The following C2orf49 variants were observed in gnomAD, a reference collection of about 807,000 sequenced individuals.
The protein encoded by C2orf49 is tRNA-splicing ligase complex subunit ASW.
C2orf49 carries 11 observed loss-of-function variants against 20.6 expected under a neutral mutation model. That is an observed-to-expected ratio of 0.53 (90% CI 0.34 to 0.88). The LOEUF is 0.88. Among genes scored for constraint, C2orf49 ranks in the 40% least tolerant of loss-of-function variants. The pLI is 0.02. For synonymous variants in C2orf49, 134 were observed against 108.5 expected (o/e 1.24, Z -1.46); for missense variants, 289 against 274.2 (o/e 1.05, Z -0.38).
the C2orf49 span, among the ~76,000 whole-genome samples, chr2:105,377,260 A>G: frequency 6.6e-6 from 1 of 152,224 alleles, no homozygotes; most frequent in Non-Finnish European, 1.5e-5. Flanking sequence ...TGCACTTACT[A>G]CTGAACAGTA....
intron 2 of C2orf49, among the ~76,000 whole-genome samples, chr2:105,340,908 A>G (rs1679648681): frequency 6.6e-6 from 1 of 152,210 alleles, no homozygotes; most frequent in Non-Finnish European, 1.5e-5. Flanking sequence ...GGTAAAGGGG[A>G]GTATGTTCCT....
chr2:105,363,565 C>G, the C2orf49 span: 33 of 1,163,226 alleles, frequency 2.8e-5, no homozygotes, highest in Non-Finnish European at 3.9e-5. Context: ...AGATCCTCAT[C>G]CAGAAACGTC....
intron 2 of C2orf49, 125 bp downstream of exon 2, chr2:105,339,874 C>A (rs1039828534): frequency 4.9e-6 from 4 of 808,256 alleles, no homozygotes; most frequent in Admixed American, 7.0e-5. Flanking sequence ...CTATTGAGCA[C>A]CAGGCACTGT....
the C2orf49 span, among the ~76,000 whole-genome samples, chr2:105,376,912 G>T: frequency 1.3e-5 from 2 of 152,070 alleles, no homozygotes; most frequent in Admixed American, 6.5e-5. Context: ...CGACAAATCG[G>T]TCACAAAAGG....
the C2orf49 span, among the ~76,000 whole-genome samples, chr2:105,384,282 A>G: frequency 1.3e-5 from 2 of 152,144 alleles, no homozygotes; most frequent in Non-Finnish European, 2.9e-5. Context: ...CAAACTGGAC[A>G]TTTTTATTGA....
At chr2:105,366,059 A>AT in the C2orf49 span, among the ~76,000 whole-genome samples, 1 of 151,288 alleles carries the variant, frequency 6.6e-6, no homozygotes, top group Non-Finnish European at 1.5e-5. Flanking sequence ...TACAAAAAAA[A>AT]CCGGCTGGGC....
At chr2:105,378,753 GAA>G in the C2orf49 span, 1 of 152,480 alleles carries the variant, frequency 6.6e-6, no homozygotes. Flanking sequence ...CCTTCTAAAG[GAA>G]ACTCTTTTCC....
chr2:105,355,981 A>G, the C2orf49 span, among the ~76,000 whole-genome samples: 1 of 152,280 alleles, frequency 6.6e-6, no homozygotes, highest in East Asian at 1.9e-4. Flanking sequence ...GTGATGACTC[A>G]TGCTGGTAAT....
At chr2:105,338,911 G>T (rs1455414374) in intron 1 of C2orf49, among the ~76,000 whole-genome samples, 1 of 152,148 alleles carries the variant, frequency 6.6e-6, no homozygotes, top group East Asian at 1.9e-4. Flanking sequence ...TGTTTTTCAT[G>T]ATGTCAAGAA....
At chr2:105,359,286 T>G in the C2orf49 span, 1 of 152,176 alleles carries the variant, frequency 6.6e-6, no homozygotes, top group African/African-American at 2.4e-5. Flanking sequence ...AAAATGAAAT[T>G]TGGAGTGCTT....
chr2:105,366,268 CT>C, the C2orf49 span, among the ~76,000 whole-genome samples: 1 of 151,954 alleles, frequency 6.6e-6, no homozygotes, highest in Non-Finnish European at 1.5e-5. Flanking sequence ...GGTAAGAATA[CT>C]CAGCACTTAG....
At chr2:105,355,547 AC>A in the C2orf49 span, among the ~76,000 whole-genome samples, 21,007 of 152,042 alleles carry the variant, frequency 0.14, 1,815 homozygotes, top group South Asian at 0.24. Context: ...GTAGAGACTG[AC>A]CCCCAAAGGT....
chr2:105,378,216 C>T, the C2orf49 span: 2 of 470,550 alleles, frequency 4.3e-6, no homozygotes, highest in African/African-American at 4.0e-5. Flanking sequence ...CACAAAAATG[C>T]AATAGCTACA....
At chr2:105,381,854 G>T in the C2orf49 span, among the ~76,000 whole-genome samples, 1 of 152,140 alleles carries the variant, frequency 6.6e-6, no homozygotes, top group African/African-American at 2.4e-5. Context: ...TGGACCCTGA[G>T]AATGTGACTG....
At chr2:105,379,837 C>T in the C2orf49 span, among the ~76,000 whole-genome samples, 1 of 152,240 alleles carries the variant, frequency 6.6e-6, no homozygotes, top group Non-Finnish European at 1.5e-5. Flanking sequence ...ATCTGTTCTG[C>T]AAAGCTTCCT....
chr2:105,373,535 C>T, the C2orf49 span: 1 of 1,613,954 alleles, frequency 6.2e-7, no homozygotes, highest in Non-Finnish European at 8.5e-7. Context: ...CTGGCTCACG[C>T]ATGAGAAAGG....
At chr2:105,383,698 C>T in the C2orf49 span, among the ~76,000 whole-genome samples, 4 of 152,180 alleles carry the variant, frequency 2.6e-5, no homozygotes, top group African/African-American at 4.8e-5. Context: ...GGTATCTCCC[C>T]GCCTGCCAGG....
Position 105,337,705 on chromosome 2 carries a change from GA to G in C2orf49, c.99+20del. On this transcript the variant is annotated intron_variant, in intron 1 of 3. Transcript: ENST00000258457. The stretch of plus-strand genomic sequence containing the variant: ...GGAGCAGGTTGGGCGCGCCGGATCG[GA>G]GGGTGGGCGGGTGGGCCTTCCCAGG... The G allele has an allele frequency of 2.1e-6, 1 of 480,096 alleles. No individual in the cohort carries two copies. The highest frequency in any genetic ancestry group is 3.7e-6 in the Non-Finnish European group (1 of 270,150). 29.7% of individuals were successfully genotyped at this position (480,096 alleles called of 1,614,324 possible). A position where few individuals can be genotyped will look rare whatever the true frequency, so the allele number is the denominator to read the frequency against.
At chr2:105,365,740 G>C in the C2orf49 span, among the ~76,000 whole-genome samples, 1 of 151,976 alleles carries the variant, frequency 6.6e-6, no homozygotes, top group Non-Finnish European at 1.5e-5. Flanking sequence ...AGCTGCTCAG[G>C]AGGCTGAGGC....
Sources: allele counts gnomAD v4.1 joint callset (sites outside exome capture counted in the v4.1 genomes callset), GRCh38; gene constraint gnomAD v4.1.1; transcripts MANE v1.5; gene names NCBI Gene and HGNC (gene_info 2026-07-23, HGNC 2026-07-21).